SKP2: variants seen among roughly 807,000 people sequenced by gnomAD.
SKP2 encodes S-phase kinase associated protein 2.
In SKP2, 16 loss-of-function variants were observed where a neutral mutation model predicts 51.8. The observed-to-expected ratio is 0.31, with a 90% CI of 0.21 to 0.47. The LOEUF (loss-of-function observed/expected upper bound fraction) is 0.47. Among genes scored for constraint, SKP2 ranks in the 20% least tolerant of loss-of-function variants. SKP2 has a pLI of 1.00. For synonymous variants in SKP2, 176 were observed against 198.6 expected, an observed-to-expected ratio of 0.89 and a Z score of 0.96; for missense variants, 377 against 505.3, an observed-to-expected ratio of 0.75 and a Z score of 2.43.
intron 2 of SKP2, among the ~76,000 whole-genome samples, chr5:36,155,913 GA>G (rs1458016332): frequency 6.6e-6 from 1 of 152,096 alleles, no homozygotes; most frequent in African/African-American, 2.4e-5. Context: ...AAGTTGAGGA[GA>G]AAATACAATA....
intron 6 of SKP2, among the ~76,000 whole-genome samples, chr5:36,170,661 T>C (rs1183477571): frequency 6.6e-6 from 1 of 152,178 alleles, no homozygotes; most frequent in African/African-American, 2.4e-5. Flanking sequence ...CTCTTTTTTG[T>C]TTATTTGGAA....
intron 7 of SKP2, among the ~76,000 whole-genome samples, chr5:36,175,657 G>A (rs553220222): frequency 1.3e-5 from 2 of 151,428 alleles, no homozygotes; most frequent in South Asian, 4.2e-4. Context: ...ATGTGTTTGT[G>A]TGTAAATGTG....
intron 2 of SKP2, among the ~76,000 whole-genome samples, chr5:36,160,773 C>T (rs1304283165): frequency 6.6e-6 from 1 of 152,128 alleles, no homozygotes; most frequent in African/African-American, 2.4e-5. Context: ...AACCTTTGTC[C>T]CCTGCCCATG....
chr5:36,156,277 C>T (rs969664045), intron 2 of SKP2, among the ~76,000 whole-genome samples: 8 of 152,064 alleles, frequency 5.3e-5, no homozygotes, highest in Non-Finnish European at 1.2e-4. Flanking sequence ...CCAGTGGAGC[C>T]GGATTGTCAT....
chr5:36,166,263 G>A (rs1745285538), intron 3 of SKP2, among the ~76,000 whole-genome samples: 1 of 152,182 alleles, frequency 6.6e-6, no homozygotes. Context: ...CAGTGCTAAT[G>A]TTCACATTGA....
rs1359177202 is a variant in SKP2 at position 36,168,307 on chromosome 5, G to A, written c.537-6G>A. The A allele has an allele frequency of 6.2e-7, 1 of 1,612,386 alleles. No individual in the cohort carries two copies. Among genetic ancestry groups the A allele is most frequent in the Admixed American group, 1.7e-5 (1 of 59,722 alleles). On this transcript the variant is annotated splice_polypyrimidine_tract_variant and splice_region_variant and intron_variant, in intron 4 of 9. Transcript: ENST00000274255. ...TATGGAGCTCCTTTTTTCTCTCCGT[G>A]TTTAGCCCTTTTCGTGTACAGCACA...
At position 36,161,165 on chromosome 5, in the gene SKP2, T is replaced by C. The variant is rs564093250; in HGVS notation, c.281-2480T>C. ...ACTCTGAGCAGAATAAGGGTCAGGA[T>C]TGTGCCTTATTTATCATTGTGTCCT... On this transcript the variant is annotated intron_variant, in intron 2 of 9. Transcript: ENST00000274255. Among the ~76,000 whole-genome samples, 9 of 152,200 alleles carry C rather than the reference T, an allele frequency of 5.9e-5. No individual in the cohort carries two copies. The East Asian group carries it at 1.7e-3, about 29-fold the overall frequency.
chr5:36,189,458 C>T (rs557536452), intron 6 of SKP2, among the ~76,000 whole-genome samples: 9 of 152,164 alleles, frequency 5.9e-5, no homozygotes, highest in African/African-American at 1.2e-4. Context: ...CTCAGCTGCA[C>T]GTCTGTTGGA....
In SKP2 at chr5:36,152,125, G is replaced by A. The variant is rs534520509; in HGVS notation, c.-138G>A. 57 of 859,664 alleles carry A rather than the reference G, an allele frequency of 6.6e-5. No individual in the cohort carries two copies. In the African/African-American group the frequency reaches 8.5e-4, roughly 13 times the overall value. The allele number at this position is 859,664 out of a possible 1,614,324, so 53.3% of individuals were successfully genotyped here. A position where few individuals can be genotyped will look rare whatever the true frequency, so the allele number is the denominator to read the frequency against. Reference sequence around the variant, plus strand: ...CTTGCGCGCGCAGTGGGGATGGAACGTTGCTAGGCTTAGCGGGTCTGGCTG... The same window carrying A: ...CTTGCGCGCGCAGTGGGGATGGAACATTGCTAGGCTTAGCGGGTCTGGCTG... On this transcript the variant is annotated 5_prime_UTR_variant, in exon 1 of 10. Coordinates refer to ENST00000274255, the MANE Select transcript of SKP2 (RefSeq NM_005983.4).
rs1232668673 is a variant in SKP2, at chr5:36,166,654, A to G, written c.528A>G (p.Glu176=). Reference sequence around the variant, plus strand: ...CATTTATGGACCAACCATTGGCTGAACATTTCAGGTAAAGATGAAAAATCC... The same window carrying G: ...CATTTATGGACCAACCATTGGCTGAGCATTTCAGGTAAAGATGAAAAATCC... ...PRSFMDQPLA[E]HFSPFRVQHM... The change falls in exon 4 of 10, where the codon GAA becomes GAG. Residue 176 remains glutamate, a synonymous_variant. Coordinates refer to ENST00000274255, the MANE Select transcript of SKP2 (RefSeq NM_005983.4). 6 of 1,613,654 alleles carry G rather than the reference A, an allele frequency of 3.7e-6. No individual in the cohort carries two copies. Among genetic ancestry groups the G allele is most frequent in the Non-Finnish European group, 5.1e-6 (6 of 1,179,852 alleles).
At chr5:36,161,951 T>G (rs980816646) in intron 2 of SKP2, among the ~76,000 whole-genome samples, 1 of 152,246 alleles carries the variant, frequency 6.6e-6, no homozygotes, top group African/African-American at 2.4e-5. Flanking sequence ...ATTTCCTTCT[T>G]GGCAATTGTT....
rs770945814 is a variant in SKP2 at position 36,171,635 on chromosome 5, A to C, written c.803A>C (p.Asp268Ala). The C allele has an allele frequency of 1.2e-6, 2 of 1,613,752 alleles. No homozygotes were observed. The highest frequency in any genetic ancestry group is 1.7e-6 in the Non-Finnish European group (2 of 1,179,754). ...GAGCTGAACCTCTCCTGGTGTTTTGATTTCACTGAAAAGCATGTACAGGTG... is the reference window on the plus strand; with the variant it reads ...GAGCTGAACCTCTCCTGGTGTTTTGCTTTCACTGAAAAGCATGTACAGGTG... Reference protein sequence around the residue: ...LDELNLSWCFDFTEKHVQVAV... With the variant: ...LDELNLSWCFAFTEKHVQVAV... The change falls in exon 7 of 10, where the codon GAT becomes GCT. Residue 268 changes from aspartate to alanine, a missense_variant. Physicochemically the swap from Asp to Ala is moderately radical, Grantham distance 126 (BLOSUM62 -2). Around this residue, in one of 2 missense-constraint regions of SKP2, gnomAD observed 262 missense variants for 389.8 expected, o/e 0.67. Coordinates refer to ENST00000274255, the MANE Select transcript of SKP2 (RefSeq NM_005983.4).
At chr5:36,167,613 C>CT (rs34943870) in intron 4 of SKP2, among the ~76,000 whole-genome samples, 92,939 of 150,252 alleles carry the variant, frequency 0.62, 34,628 homozygotes, top group Non-Finnish European at 0.83. Flanking sequence ...TTTGGCCTCC[C>CT]TTTTTTTTTA....
At position 36,159,199 on chromosome 5, in the gene SKP2, G is replaced by T. The variant is rs549691844; in HGVS notation, c.281-4446G>T. ...AGTTGGGAAGGCAAAGATGGAAGTT[G>T]CAACACAAAGTCCTCCAGACTTTGG... On this transcript the variant is annotated intron_variant, in intron 2 of 9. Transcript: ENST00000274255. Among the ~76,000 whole-genome samples the T allele has an allele frequency of 5.3e-5, 8 of 152,268 alleles. No homozygotes were observed. The South Asian group carries it at 1.7e-3, about 32-fold the overall frequency.
chr5:36,186,944 A>G (rs1465359701), downstream of SKP2, among the ~76,000 whole-genome samples: 4 of 152,142 alleles, frequency 2.6e-5, no homozygotes, highest in Non-Finnish European at 5.9e-5. Context: ...CTATTCAGGG[A>G]TTCAAGTTCT....
At chr5:36,155,924 A>G (rs1744932118) in intron 2 of SKP2, among the ~76,000 whole-genome samples, 1 of 152,182 alleles carries the variant, frequency 6.6e-6, no homozygotes, top group African/African-American at 2.4e-5. Flanking sequence ...AAAATACAAT[A>G]AAAAATAAGA....
chr5:36,171,371 C>T (rs1363746936), intron 6 of SKP2, among the ~76,000 whole-genome samples: 1 of 152,146 alleles, frequency 6.6e-6, no homozygotes, highest in Non-Finnish European at 1.5e-5. Context: ...GTGCTTCTCT[C>T]CATTTCGAGG....
At chr5:36,172,498 G>A (rs916654240) in intron 7 of SKP2, among the ~76,000 whole-genome samples, 3 of 152,144 alleles carry the variant, frequency 2.0e-5, no homozygotes, top group Admixed American at 6.5e-5. Context: ...TGGCTTCACC[G>A]TCTCAGGCCA....
chr5:36,169,445 G>GAA lies in SKP2; in HGVS notation c.672-891_672-890dup, dbSNP rs3838319. Among the ~76,000 whole-genome samples, 49 of 149,928 alleles carry GAA rather than the reference G, an allele frequency of 3.3e-4. No homozygotes were observed. The East Asian group carries it at 5.5e-3, about 17-fold the overall frequency. ...AGGTGACAAGAGCAAAACTCCATCT[G>GAA]AAAAAAAAATAAAAAAAGGGAAGGA... On this transcript the variant is annotated intron_variant, in intron 5 of 9. Coordinates refer to ENST00000274255, the MANE Select transcript of SKP2 (RefSeq NM_005983.4).
Sources: gnomAD v4.1 joint callset for allele counts (sites outside exome capture counted in the v4.1 genomes callset) on GRCh38, gnomAD v4.1.1 for gene constraint, gnomAD v4.1.1 regional missense constraint, MANE v1.5 for transcripts, NCBI Gene and HGNC (gene_info 2026-07-23, HGNC 2026-07-21) for gene names.